CTXND2: variants seen among roughly 807,000 people sequenced by gnomAD.
CTXND2 encodes cortexin domain containing 2.
chr1:150,900,246 G>A (rs1256260956), intron 1 of CTXND2, among the ~76,000 whole-genome samples: 5 of 152,026 alleles, frequency 3.3e-5, no homozygotes, highest in Admixed American at 6.6e-5. Flanking sequence ...GTGAGACCAC[G>A]AACCCACCGA....
chr1:150,895,844 C>A (rs1030559756), intron 1 of CTXND2, among the ~76,000 whole-genome samples: 10 of 152,140 alleles, frequency 6.6e-5, no homozygotes, highest in African/African-American at 2.4e-4. Context: ...TTCAGCCATG[C>A]CAGAGGCAGC....
chr1:150,898,086 G>A (rs1557999414), intron 1 of CTXND2, among the ~76,000 whole-genome samples: 1 of 151,494 alleles, frequency 6.6e-6, no homozygotes, highest in Admixed American at 6.6e-5. Flanking sequence ...TTGCTTTGTT[G>A]CCCAGGCTAG....
intron 1 of CTXND2, among the ~76,000 whole-genome samples, chr1:150,898,674 C>T (rs1480912717): frequency 6.7e-6 from 1 of 149,634 alleles, no homozygotes; most frequent in Non-Finnish European, 1.5e-5. Flanking sequence ...AAGAATTGCT[C>T]GAACCCAGGA....
intron 1 of CTXND2, among the ~76,000 whole-genome samples, chr1:150,900,441 G>A (rs1011705629): frequency 1.4e-4 from 21 of 152,196 alleles, no homozygotes; most frequent in African/African-American, 4.1e-4. Context: ...AACACTCACC[G>A]TGAGGGTCTG....
chr1:150,894,459 G>A (rs1485813268), intron 1 of CTXND2, among the ~76,000 whole-genome samples: 1 of 152,102 alleles, frequency 6.6e-6, no homozygotes, highest in Non-Finnish European at 1.5e-5. Flanking sequence ...ATTAATACTT[G>A]AGAAGAATGT....
At chr1:150,905,143 CTTT>C (rs587675090) in intron 1 of CTXND2, among the ~76,000 whole-genome samples, 3 of 114,710 alleles carry the variant, frequency 2.6e-5, no homozygotes, top group Non-Finnish European at 3.7e-5. Flanking sequence ...TCTGCCAATT[CTTT>C]TTTTTTTTTT....
chr1:150,909,102 G>A (rs587674209), intron 1 of CTXND2, among the ~76,000 whole-genome samples: 1 of 151,768 alleles, frequency 6.6e-6, no homozygotes, highest in African/African-American at 2.4e-5. Flanking sequence ...AGCCGGGCAT[G>A]GTGGGGGCGC....
In CTXND2 at chr1:150,911,402, G is replaced by T. The variant is rs1571607901; in HGVS notation, c.-73-840G>T. 2.0e-5 allele frequency among the ~76,000 whole-genome samples: 3 copies of T among 151,184 alleles called. No individual in the cohort carries two copies. In the South Asian group the frequency reaches 6.3e-4, roughly 32 times the overall value. ...TTCAGAATTTTCTTGATGGAGTAAG[G>T]TTTTGGGTTTTTTTTTCCTGTTTTC... is the stretch of plus-strand genomic sequence containing the variant. On this transcript the variant is annotated intron_variant, in intron 1 of 1. Transcript: ENST00000636087.
chr1:150,898,852 C>T lies in CTXND2; in HGVS notation c.-74+11539C>T, dbSNP rs587726032. Among the ~76,000 whole-genome samples the T allele has an allele frequency of 4.8e-5, 7 of 147,256 alleles. No individual in the cohort carries two copies. The East Asian group carries it at 1.4e-3, about 30-fold the overall frequency. ...CAACACTCTGGGAAGCCCAGGCGGG[C>T]GGATCACGAGGTCAGGAGACCGAGA... On this transcript the variant is annotated intron_variant, in intron 1 of 1. Coordinates refer to ENST00000636087, the Ensembl canonical transcript of CTXND2.
chr1:150,893,984 C>T (rs202064000), intron 1 of CTXND2, among the ~76,000 whole-genome samples: 121 of 150,266 alleles, frequency 8.1e-4, no homozygotes, highest in Non-Finnish European at 1.3e-3. Context: ...TCTTTTTTTT[C>T]TTTTTTTTTA....
chr1:150,890,408 TCA>T, intron 1 of CTXND2, among the ~76,000 whole-genome samples: 1 of 152,328 alleles, frequency 6.6e-6, no homozygotes, highest in East Asian at 1.9e-4. Flanking sequence ...CCAGCCCCTG[TCA>T]CACAAGGAGC....
intron 1 of CTXND2, among the ~76,000 whole-genome samples, chr1:150,900,714 G>A (rs759700250): frequency 9.9e-5 from 15 of 152,056 alleles, no homozygotes; most frequent in Non-Finnish European, 2.2e-4. Flanking sequence ...TATATATGAA[G>A]GGGTAATATC....
intron 1 of CTXND2, among the ~76,000 whole-genome samples, chr1:150,899,137 CAAACAAT>C (rs1557999760): frequency 2.9e-5 from 4 of 137,532 alleles, no homozygotes; most frequent in Non-Finnish European, 6.3e-5. Flanking sequence ...AATAAACAAA[CAAACAAT>C]AATAAACTCA....
At chr1:150,909,623 G>C (rs746607840) in intron 1 of CTXND2, among the ~76,000 whole-genome samples, 9 of 152,098 alleles carry the variant, frequency 5.9e-5, no homozygotes, top group Non-Finnish European at 1.3e-4. Flanking sequence ...TGATTTTGCT[G>C]TCATATCTAA....
exon 2 of CTXND2, chr1:150,912,264 T>C (rs1254996959): frequency 7.5e-6 from 3 of 398,392 alleles, no homozygotes; most frequent in Non-Finnish European, 1.3e-5. Flanking sequence ...TCTGAAGCTA[T>C]ACCTGAGGAA....
At chr1:150,898,153 G>T (rs79227017) in intron 1 of CTXND2, among the ~76,000 whole-genome samples, 12,209 of 147,896 alleles carry the variant, frequency 0.083, 1,546 homozygotes, top group African/African-American at 0.27. Flanking sequence ...TAGATGTGGG[G>T]TTTTTTTTTT....
intron 1 of CTXND2, among the ~76,000 whole-genome samples, chr1:150,908,710 A>G (rs1669196025): frequency 6.6e-6 from 1 of 151,156 alleles, no homozygotes; most frequent in South Asian, 2.1e-4. Flanking sequence ...ATAACCCTGA[A>G]CTCCTGGGCT....
chr1:150,906,645 G>A (rs923345449), intron 1 of CTXND2, among the ~76,000 whole-genome samples: 1 of 152,162 alleles, frequency 6.6e-6, no homozygotes, highest in East Asian at 1.9e-4. Context: ...GAAAGTGGAA[G>A]GCCCACTGGA....
chr1:150,898,188 G>A (rs1348286354), intron 1 of CTXND2, among the ~76,000 whole-genome samples: 1 of 151,812 alleles, frequency 6.6e-6, no homozygotes, highest in Non-Finnish European at 1.5e-5. Flanking sequence ...GATGTTCAGG[G>A]CACTTTCTCT....
Sources: gnomAD v4.1 joint callset for allele counts (sites outside exome capture counted in the v4.1 genomes callset) on GRCh38, gnomAD v4.1.1 for gene constraint, MANE v1.5 for transcripts, NCBI Gene and HGNC (gene_info 2026-07-23, HGNC 2026-07-21) for gene names.